Variants in NPAS3 observed in about 807,000 individuals in gnomAD.
NPAS3 encodes neuronal PAS domain protein 3.
NPAS3 carries 14 observed loss-of-function variants against 73.1 expected under a neutral mutation model. The ratio of observed to expected loss-of-function variants is 0.19; its 90% CI spans 0.13 to 0.30. NPAS3 has a LOEUF of 0.30. Ranked by LOEUF, NPAS3 falls within the 10% of genes least tolerant of loss-of-function variation. The pLI, the probability that NPAS3 is intolerant of heterozygous loss-of-function variation, is 1.00. For missense variants in NPAS3, 1,096 were observed against 1,250.0 expected, an observed-to-expected ratio of 0.88 and a Z score of 1.86; for synonymous variants, 620 against 541.5, an observed-to-expected ratio of 1.14 and a Z score of -2.01.
At chr14:33,022,664 C>CAAAAAAAAAA (rs34475386) in intron 1 of NPAS3, among the ~76,000 whole-genome samples, 1 of 97,462 alleles carries the variant, frequency 1.0e-5, no homozygotes, top group African/African-American at 4.0e-5. Context: ...GACTCCGTCC[C>CAAAAAAAAAA]AAAAAAAAAA....
chr14:33,482,700 G>A lies in NPAS3; in HGVS notation c.469-77421G>A, dbSNP rs149695076. Among the ~76,000 whole-genome samples, 23 of 152,080 alleles carry A rather than the reference G, an allele frequency of 1.5e-4. No individual in the cohort carries two copies. In the East Asian group the frequency reaches 3.1e-3, roughly 21 times the overall value. ...GCCACACCTGGCAGAAGAGACCAGC[G>A]AGGTCTGGTCTCTTTCCTTCCTCTC... is the stretch of plus-strand genomic sequence containing the variant. On this transcript the variant is annotated intron_variant, in intron 4 of 11. Coordinates refer to ENST00000356141, the Ensembl canonical transcript of NPAS3.
chr14:33,588,869 C>A (rs567341180), intron 5 of NPAS3, among the ~76,000 whole-genome samples: 1 of 152,084 alleles, frequency 6.6e-6, no homozygotes, highest in African/African-American at 2.4e-5. Context: ...TACCGGCCCA[C>A]CTCAGCCTCC....
intron 3 of NPAS3, among the ~76,000 whole-genome samples, chr14:33,347,307 A>T (rs886773303): frequency 1.3e-5 from 2 of 152,238 alleles, no homozygotes; most frequent in African/African-American, 4.8e-5. Context: ...AGAACTCACA[A>T]CATCTATTAA....
intron 6 of NPAS3, among the ~76,000 whole-genome samples, chr14:33,692,302 G>A (rs998308591): frequency 1.3e-5 from 2 of 152,048 alleles, no homozygotes; most frequent in Non-Finnish European, 2.9e-5. Context: ...CCTCCAATGG[G>A]TCTTGATGTG....
At chr14:33,551,011 T>G (rs2055085779) in intron 4 of NPAS3, among the ~76,000 whole-genome samples, 1 of 152,230 alleles carries the variant, frequency 6.6e-6, no homozygotes. Context: ...AAAAATTAAT[T>G]GTTAATTATA....
intron 3 of NPAS3, among the ~76,000 whole-genome samples, chr14:33,258,659 T>A (rs2048861198): frequency 6.6e-6 from 1 of 152,218 alleles, no homozygotes; most frequent in South Asian, 2.1e-4. Context: ...GGACCTAATC[T>A]GATCACAAGG....
chr14:33,368,404 A>G (rs1282000766), intron 4 of NPAS3, among the ~76,000 whole-genome samples: 2 of 152,000 alleles, frequency 1.3e-5, no homozygotes, highest in Admixed American at 6.6e-5. Context: ...ATCACCCAAC[A>G]CTTGCTCATA....
intron 4 of NPAS3, among the ~76,000 whole-genome samples, chr14:33,428,032 G>A (rs971138688): frequency 1.3e-5 from 2 of 152,128 alleles, no homozygotes; most frequent in South Asian, 4.2e-4. Context: ...GACAAATTTC[G>A]TTGAATATAA....
intron 2 of NPAS3, among the ~76,000 whole-genome samples, chr14:33,156,769 C>A (rs2044662012): frequency 6.6e-6 from 1 of 152,058 alleles, no homozygotes. Flanking sequence ...CCTTTTAATT[C>A]TTCTCTTTTG....
chr14:33,289,568 C>T (rs1307932909), intron 3 of NPAS3, among the ~76,000 whole-genome samples: 1 of 152,126 alleles, frequency 6.6e-6, no homozygotes, highest in African/African-American at 2.4e-5. Context: ...TGCCTGTAAT[C>T]CCAGTACTTT....
At chr14:33,777,163 G>A (rs980283406) in intron 8 of NPAS3, among the ~76,000 whole-genome samples, 6 of 152,166 alleles carry the variant, frequency 3.9e-5, no homozygotes, top group African/African-American at 1.4e-4. Context: ...CACCAGTGAG[G>A]GAGGGTCTTT....
intron 3 of NPAS3, among the ~76,000 whole-genome samples, chr14:33,228,702 TAGG>T (rs1226966656): frequency 2.0e-5 from 3 of 152,122 alleles, no homozygotes; most frequent in East Asian, 3.9e-4. Flanking sequence ...CCATCTCCTC[TAGG>T]AGTTTATAAG....
intron 4 of NPAS3, among the ~76,000 whole-genome samples, chr14:33,438,151 T>C (rs2049072717): frequency 6.6e-6 from 1 of 152,224 alleles, no homozygotes; most frequent in African/African-American, 2.4e-5. Flanking sequence ...TCATGTGAAA[T>C]TTCTTGATGC....
chr14:33,354,566 C>T (rs889518000), intron 3 of NPAS3, among the ~76,000 whole-genome samples: 3 of 152,196 alleles, frequency 2.0e-5, no homozygotes, highest in African/African-American at 7.2e-5. Context: ...TGACTTGCAG[C>T]CAAATCCTCA....
intron 7 of NPAS3, among the ~76,000 whole-genome samples, chr14:33,773,552 T>C (rs1220718353): frequency 6.6e-6 from 1 of 152,238 alleles, no homozygotes; most frequent in African/African-American, 2.4e-5. Flanking sequence ...ATGTGCAGTT[T>C]ATATGCAAAG....
chr14:33,691,781 C>T (rs566571687), intron 6 of NPAS3, among the ~76,000 whole-genome samples: 2 of 152,298 alleles, frequency 1.3e-5, no homozygotes, highest in East Asian at 3.9e-4. Flanking sequence ...TACCACAGAG[C>T]CCCTTGGGGT....
intron 3 of NPAS3, among the ~76,000 whole-genome samples, chr14:33,239,235 G>A (rs978521751): frequency 6.6e-6 from 1 of 151,688 alleles, no homozygotes; most frequent in African/African-American, 2.4e-5. Context: ...AGTTTCAGGG[G>A]AAAAAGGGAT....
chr14:33,475,504 T>G (rs2050981740), intron 4 of NPAS3, among the ~76,000 whole-genome samples: 1 of 151,720 alleles, frequency 6.6e-6, no homozygotes, highest in South Asian at 2.1e-4. Flanking sequence ...TACTTTAAGT[T>G]TTTATGTGTC....
chr14:33,201,336 G>T (rs142402919), intron 2 of NPAS3, among the ~76,000 whole-genome samples: 187 of 115,152 alleles, frequency 1.6e-3, no homozygotes, highest in African/African-American at 4.4e-3. Flanking sequence ...AAGTGACTCA[G>T]TTCTACAACC....
Sources: gnomAD v4.1 joint callset for allele counts (sites outside exome capture counted in the v4.1 genomes callset) on GRCh38, gnomAD v4.1.1 for gene constraint, MANE v1.5 for transcripts, NCBI Gene and HGNC (gene_info 2026-07-23, HGNC 2026-07-21) for gene names.